Variants in CASR observed in about 807,000 individuals in gnomAD.
CASR encodes extracellular calcium-sensing receptor.
CASR carries 23 observed loss-of-function variants against 69.1 expected under a neutral mutation model. The ratio of observed to expected loss-of-function variants is 0.33; its 90% CI spans 0.24 to 0.47. The LOEUF is 0.47. Ranked by LOEUF, CASR falls within the 20% of genes least tolerant of loss-of-function variation. The probability of loss-of-function intolerance (pLI) is 1.00; values close to 1 mark genes in which losing one functional copy is unlikely to be tolerated. For synonymous variants in CASR, 541 were observed against 544.7 expected, an observed-to-expected ratio of 0.99 and a Z score of 0.10; for missense variants, 924 against 1,356.1, an observed-to-expected ratio of 0.68 and a Z score of 5.00.
intron 4 of CASR, among the ~76,000 whole-genome samples, chr3:122,270,965 T>G (rs1306494282): frequency 6.6e-6 from 1 of 152,252 alleles, no homozygotes; most frequent in African/African-American, 2.4e-5. Flanking sequence ...ATGTATATTC[T>G]GTTGTTGGGA....
chr3:122,186,051 A>C (rs567788281), intron 1 of CASR, among the ~76,000 whole-genome samples: 112 of 152,278 alleles, frequency 7.4e-4, no homozygotes, highest in Non-Finnish European at 1.4e-3. Flanking sequence ...AAGTGAAAAA[A>C]AAAAATCAGC....
Position 122,261,549 on chromosome 3 carries a change from A to C in CASR, c.514A>C (p.Arg172=), listed in dbSNP as rs201851934. 5 of 1,614,118 alleles carry C rather than the reference A, an allele frequency of 3.1e-6. No homozygotes were observed. Among genetic ancestry groups the C allele is most frequent in the Non-Finnish European group, 4.2e-6 (5 of 1,180,048 alleles). Residue 172 remains arginine (R), a synonymous_variant, in exon 4 of 7, where the codon AGA becomes CGA. Transcript: ENST00000639785. ...IPQVSYASSS[R]LLSNKNQFKS... The stretch of plus-strand genomic sequence containing the variant: ...CCAGGTCAGTTATGCCTCCTCCAGC[A>C]GACTCCTCAGCAACAAGAATCAATT...
chr3:122,263,994 G>T (rs1028470258), intron 4 of CASR, among the ~76,000 whole-genome samples: 4 of 152,018 alleles, frequency 2.6e-5, no homozygotes, highest in African/African-American at 9.7e-5. Flanking sequence ...CAAGAGTAGG[G>T]TTGAAGGAAA....
chr3:122,289,179 A>C lies in CASR; in HGVS notation c.*3988A>C, dbSNP rs1437282615. ...TGCATTTGAAATAATTATTGCTACA[A>C]GAATAATGGAACATCAATAAGGGGT... is the stretch of plus-strand genomic sequence containing the variant. On this transcript the variant is annotated 3_prime_UTR_variant, in exon 7 of 7. Transcript: ENST00000639785. The C allele has an allele frequency of 2.0e-5, 3 of 152,242 alleles. No individual in the cohort carries two copies. Among genetic ancestry groups the C allele is most frequent in the Admixed American group, 2.0e-4 (3 of 15,286 alleles). The allele number at this position is 152,242 out of a possible 1,614,324, so 9.4% of individuals were successfully genotyped here. A position where few individuals can be genotyped will look rare whatever the true frequency, so the allele number is the denominator to read the frequency against.
At chr3:122,229,881 A>G (rs780870674) in intron 1 of CASR, among the ~76,000 whole-genome samples, 3 of 152,152 alleles carry the variant, frequency 2.0e-5, no homozygotes, top group Admixed American at 6.5e-5. Flanking sequence ...AATAAATAAA[A>G]AAGGAAGCCT....
intron 1 of CASR, among the ~76,000 whole-genome samples, chr3:122,237,017 A>G (rs2074335029): frequency 6.6e-6 from 1 of 152,144 alleles, no homozygotes. Context: ...TGTGAGGTAA[A>G]ATCTTCTTTA....
At chr3:122,245,128 A>G (rs1030720120) in intron 1 of CASR, among the ~76,000 whole-genome samples, 1 of 152,208 alleles carries the variant, frequency 6.6e-6, no homozygotes, top group Non-Finnish European at 1.5e-5. Context: ...ACTTATCCGC[A>G]TCCTCCTGTA....
intron 4 of CASR, among the ~76,000 whole-genome samples, chr3:122,266,320 AT>A (rs1422961723): frequency 1.3e-5 from 2 of 150,846 alleles, no homozygotes; most frequent in Admixed American, 6.6e-5. Flanking sequence ...CATGTCCTGT[AT>A]TTGCCCCTCT....
At chr3:122,202,020 A>G (rs1169859318) in intron 1 of CASR, among the ~76,000 whole-genome samples, 2 of 151,794 alleles carry the variant, frequency 1.3e-5, no homozygotes, top group Admixed American at 6.6e-5. Context: ...ATGGGGTGGC[A>G]GCCGGGCAGA....
rs202112921 is a variant in CASR, at chr3:122,275,903, C to T, written c.1469C>T (p.Ser490Phe). 11 of 1,613,990 alleles carry T rather than the reference C, an allele frequency of 6.8e-6. No homozygotes were observed. Among genetic ancestry groups the T allele is most frequent in the Non-Finnish European group, 9.3e-6 (11 of 1,179,854 alleles). The change falls in exon 5 of 7, where the codon TCC (serine) becomes TTC (phenylalanine). Residue 490 changes from serine (S) to phenylalanine (F), a missense_variant. Ser to Phe is a radical substitution (Grantham distance 155, BLOSUM62 -2). Coordinates refer to ENST00000639785, the MANE Select transcript of CASR (RefSeq NM_000388.4). The part of the protein sequence containing the change: ...DECGDLVGNY[S>F]IINWHLSPED... ...TGTGGTGACCTGGTGGGGAACTATT[C>T]CATCATCAACTGGCACCTCTCCCCA...
chr3:122,204,898 T>A (rs766239270), intron 1 of CASR, among the ~76,000 whole-genome samples: 6 of 152,110 alleles, frequency 3.9e-5, no homozygotes. Context: ...TATTCAGATC[T>A]TTTGCCCATT....
At chr3:122,266,638 G>A (rs1051309421) in intron 4 of CASR, among the ~76,000 whole-genome samples, 1 of 151,902 alleles carries the variant, frequency 6.6e-6, no homozygotes, top group Non-Finnish European at 1.5e-5. Flanking sequence ...TAATTTGGAA[G>A]CATATAATAT....
intron 1 of CASR, among the ~76,000 whole-genome samples, chr3:122,240,347 C>T (rs2107614288): frequency 6.6e-6 from 1 of 152,230 alleles, no homozygotes; most frequent in Admixed American, 6.5e-5. Context: ...AAAGATATTC[C>T]ATGCCAATGG....
intron 1 of CASR, among the ~76,000 whole-genome samples, chr3:122,240,578 A>G (rs948023605): frequency 6.6e-6 from 1 of 152,238 alleles, no homozygotes; most frequent in African/African-American, 2.4e-5. Context: ...ACAGTACAAT[A>G]ATAGCTACAG....
At chr3:122,248,890 G>A (rs945352700) in intron 1 of CASR, among the ~76,000 whole-genome samples, 5 of 152,090 alleles carry the variant, frequency 3.3e-5, no homozygotes, top group African/African-American at 1.2e-4. Context: ...TTTTGACTCC[G>A]GAACTTGGAT....
chr3:122,271,470 G>A (rs370730013), intron 4 of CASR, among the ~76,000 whole-genome samples: 1 of 152,184 alleles, frequency 6.6e-6, no homozygotes, highest in African/African-American at 2.4e-5. Context: ...TACTCAACTC[G>A]CTACACCAAG....
chr3:122,241,608 GAATACC>G (rs1194775793), intron 1 of CASR, among the ~76,000 whole-genome samples: 1 of 151,882 alleles, frequency 6.6e-6, no homozygotes, highest in Non-Finnish European at 1.5e-5. Context: ...AAAGAAGAAT[GAATACC>G]AATCCTACTC....
chr3:122,210,886 A>G (rs2074058927), intron 1 of CASR, among the ~76,000 whole-genome samples: 1 of 152,244 alleles, frequency 6.6e-6, no homozygotes, highest in Non-Finnish European at 1.5e-5. Flanking sequence ...GTACAAAAAC[A>G]GACACGTAGA....
At chr3:122,200,459 G>T (rs983985465) in intron 1 of CASR, among the ~76,000 whole-genome samples, 2 of 152,030 alleles carry the variant, frequency 1.3e-5, no homozygotes, top group African/African-American at 4.8e-5. Flanking sequence ...GTTTAATGTT[G>T]CATTGTTTTG....
Sources: allele counts gnomAD v4.1 joint callset (sites outside exome capture counted in the v4.1 genomes callset), GRCh38; gene constraint gnomAD v4.1.1; transcripts MANE v1.5; gene names NCBI Gene and HGNC (gene_info 2026-07-23, HGNC 2026-07-21).